GPI: variants seen among roughly 807,000 people sequenced by gnomAD.
GPI encodes glucose-6-phosphate isomerase.
In GPI, 56 loss-of-function variants were observed where a neutral mutation model predicts 75.8. That is an observed-to-expected ratio of 0.74 (90% CI 0.60 to 0.92). The LOEUF is 0.92. GPI is among the 40% of genes least tolerant of loss of function. The pLI is 0.00. For synonymous variants in GPI, 288 were observed against 285.4 expected, an observed-to-expected ratio of 1.01 and a Z score of -0.09; for missense variants, 638 against 741.0, an observed-to-expected ratio of 0.86 and a Z score of 1.61.
In GPI at chr19:34,393,376, G is replaced by T; in HGVS notation, c.865+68G>T. On this transcript the variant is annotated intron_variant, in intron 10 of 17. Transcript: ENST00000356487. The surrounding 1 kb of genome is among the most constrained non-coding windows in gnomAD (Gnocchi z 4.4). ...GTTGCAGTCTAAGGTCGGGGTAGGG[G>T]GCTTGTGTCCCTGAACATCATGCTG... 2.5e-6 allele frequency: 3 copies of T among 1,221,886 alleles called. No homozygotes were observed. The highest frequency in any genetic ancestry group is 3.7e-6 in the Non-Finnish European group (3 of 821,742). 75.7% of individuals were successfully genotyped at this position (1,221,886 alleles called of 1,614,324 possible). A position where few individuals can be genotyped will look rare whatever the true frequency, so the allele number is the denominator to read the frequency against.
chr19:34,399,279 G>C lies in GPI; in HGVS notation c.1342G>C (p.Glu448Gln). The change falls in exon 15 of 18, where the codon GAG becomes CAG. Residue 448 changes from glutamate (E) to glutamine (Q), a missense_variant. Glu to Gln is a conservative substitution (Grantham distance 29, BLOSUM62 2). Coordinates refer to ENST00000356487, the MANE Select transcript of GPI (RefSeq NM_000175.5). Reference protein sequence around the residue: ...RGKSTEEARKELQAAGKSPED... With the variant: ...RGKSTEEARKQLQAAGKSPED... Reference sequence around the variant, plus strand: ...AAAATCGACGGAGGAGGCCCGAAAGGAGCTCCAGGCTGCGGGCAAGAGTCC... The same window carrying C: ...AAAATCGACGGAGGAGGCCCGAAAGCAGCTCCAGGCTGCGGGCAAGAGTCC... 6.2e-7 allele frequency: 1 copy of C among 1,614,036 alleles called. No homozygotes were observed. Among genetic ancestry groups the C allele is most frequent in the Non-Finnish European group, 8.5e-7 (1 of 1,179,974 alleles).
In GPI at chr19:34,365,276, C is replaced by G. The variant is rs763650536; in HGVS notation, c.10C>G (p.Leu4Val). ...ACCTTCTAGTCCCGCCATGGCCGCT[C>G]TCACCCGGGACCCCCAGTTCCAGAA... MAA[L>V]TRDPQFQKLQ... is the part of the protein sequence containing the mutation. Residue 4 changes from leucine to valine, a missense_variant, in exon 1 of 18, where the codon CTC becomes GTC. Coordinates refer to ENST00000356487, the MANE Select transcript of GPI (RefSeq NM_000175.5). The G allele has an allele frequency of 1.9e-6, 3 of 1,575,806 alleles. No homozygotes were observed. Among genetic ancestry groups the G allele is most frequent in the Non-Finnish European group, 2.6e-6 (3 of 1,163,864 alleles).
In GPI at chr19:34,379,030, C is replaced by G. The variant is rs376328220; in HGVS notation, c.705+25C>G. 9 of 1,596,130 alleles carry G rather than the reference C, an allele frequency of 5.6e-6. No homozygotes were observed. In the African/African-American group the frequency reaches 1.2e-4, roughly 21 times the overall value. ...TGTGAGTGGGCTATAGGGCCTTCCT[C>G]GTGGTTAGCCTCTGGGCTGGGAAGA... On this transcript the variant is annotated intron_variant, in intron 7 of 17. Coordinates refer to ENST00000356487, the MANE Select transcript of GPI (RefSeq NM_000175.5).
intron 1 of GPI, chr19:34,365,712 A>G (rs2145314510): frequency 1.9e-6 from 1 of 531,192 alleles, no homozygotes; most frequent in Admixed American, 2.2e-5. Context: ...GCAGTTGTGA[A>G]GAGAGGCCTT....
At chr19:34,372,993 C>T (rs147827926) in intron 4 of GPI, among the ~76,000 whole-genome samples, 1,544 of 151,974 alleles carry the variant, frequency 0.01, 25 homozygotes, top group African/African-American at 0.036. Flanking sequence ...AGGCTGGTCT[C>T]GAACTCCTGA....
At chr19:34,381,116 T>A (rs1486918010) in intron 8 of GPI, 1 of 397,378 alleles carries the variant, frequency 2.5e-6, no homozygotes, top group African/African-American at 2.1e-5. Context: ...TTCCCAGATG[T>A]CCAGGGGTAT....
In GPI at chr19:34,400,675, A is replaced by C; in HGVS notation, c.*639A>C. 2.5e-6 allele frequency: 1 copy of C among 403,766 alleles called. No individual in the cohort carries two copies. Among genetic ancestry groups the C allele is most frequent in the Non-Finnish European group, 4.4e-6 (1 of 229,060 alleles). The allele number at this position is 403,766 out of a possible 1,614,324, so 25.0% of individuals were successfully genotyped here. A position where few individuals can be genotyped will look rare whatever the true frequency, so the allele number is the denominator to read the frequency against. ...CTGGACAAGACCGAGGATGACTGCC[A>C]TCTCCTGGCAAGACGCTCAGGTAGT... is the stretch of plus-strand genomic sequence containing the variant. On this transcript the variant is annotated 3_prime_UTR_variant, in exon 18 of 18. Transcript: ENST00000356487.
intron 6 of GPI, among the ~76,000 whole-genome samples, chr19:34,378,402 A>T (rs923329788): frequency 6.6e-6 from 1 of 151,812 alleles, no homozygotes; most frequent in African/African-American, 2.4e-5. Flanking sequence ...TTTAGTAGAG[A>T]TGGGCTTTTG....
At chr19:34,378,877 C>G in intron 6 of GPI, 57 bp from the exon 7 acceptor site, 1 of 1,347,086 alleles carries the variant, frequency 7.4e-7, no homozygotes, top group Middle Eastern at 1.8e-4. Flanking sequence ...AACCCTGGCT[C>G]AAGGCCTGCA....
chr19:34,394,141 C>T, intron 12 of GPI, 75 bp downstream of exon 12: 1 of 1,120,280 alleles, frequency 8.9e-7, no homozygotes, highest in Non-Finnish European at 1.3e-6. Context: ...ACCTGGGTTT[C>T]AGCTCCTCCA....
In GPI at chr19:34,400,177, A is replaced by G; in HGVS notation, c.*141A>G. ...TTGGACCACGAGCCCTTAGCAGGGAAGGCTGGTCTCCCCCAGCCTAACCCC... is the reference window on the plus strand; with the variant it reads ...TTGGACCACGAGCCCTTAGCAGGGAGGGCTGGTCTCCCCCAGCCTAACCCC... On this transcript the variant is annotated 3_prime_UTR_variant, in exon 18 of 18. Transcript: ENST00000356487. 3.5e-6 allele frequency: 3 copies of G among 860,258 alleles called. No homozygotes were observed. The highest frequency in any genetic ancestry group is 3.9e-6 in the Non-Finnish European group (2 of 517,906). 53.3% of individuals were successfully genotyped at this position (860,258 alleles called of 1,614,324 possible). A position where few individuals can be genotyped will look rare whatever the true frequency, so the allele number is the denominator to read the frequency against.
intron 2 of GPI, 127 bp from the exon 3 acceptor site, chr19:34,366,656 G>A: frequency 1.3e-6 from 1 of 789,020 alleles, no homozygotes; most frequent in Admixed American, 1.8e-5. Flanking sequence ...CCAGACAGCA[G>A]GGGAGGGAAC....
intron 3 of GPI, among the ~76,000 whole-genome samples, chr19:34,367,782 G>A (rs1196053206): frequency 6.6e-6 from 1 of 152,190 alleles, no homozygotes; most frequent in Non-Finnish European, 1.5e-5. Flanking sequence ...GCTTGGTGAG[G>A]GAAGCTTGAG....
At chr19:34,367,018 G>T (rs1568325271) in intron 3 of GPI, 167 bp downstream of exon 3, 1 of 706,102 alleles carries the variant, frequency 1.4e-6, no homozygotes, top group Non-Finnish European at 2.6e-6. Context: ...GCTTTGGGGT[G>T]TGCCTTCCAC....
Position 34,377,529 on chromosome 19 carries a change from G to A in GPI, c.429G>A (p.Gly143=), listed in dbSNP as rs1215998948. 1 of 1,612,868 alleles carries A rather than the reference G, an allele frequency of 6.2e-7. No homozygotes were observed. Among genetic ancestry groups the A allele is most frequent in the Non-Finnish European group, 8.5e-7 (1 of 1,179,550 alleles). ...CQRVRSGDWK[G]YTGKTITDVI... is the part of the protein sequence containing the mutation. ...GTGTCCGGAGCGGTGACTGGAAGGG[G>A]TACACAGGCAAGACCATCACGGACG... The change falls in exon 5 of 18, where the codon GGG becomes GGA. Residue 143 remains glycine, a synonymous_variant. Coordinates refer to ENST00000356487, the MANE Select transcript of GPI (RefSeq NM_000175.5).
intron 4 of GPI, among the ~76,000 whole-genome samples, chr19:34,372,716 G>A (rs979938244): frequency 5.3e-5 from 8 of 152,116 alleles, no homozygotes; most frequent in Admixed American, 1.3e-4. Flanking sequence ...AGGGTGAATC[G>A]GATCACTGCA....
At chr19:34,379,046 G>T (rs1176268669) in intron 7 of GPI, 41 bp downstream of exon 7, 1 of 1,549,234 alleles carries the variant, frequency 6.5e-7, no homozygotes, top group Admixed American at 1.7e-5. Flanking sequence ...TAGCCTCTGG[G>T]CTGGGAAGAG....
chr19:34,386,851 GT>G (rs2074742588), intron 9 of GPI, among the ~76,000 whole-genome samples: 2 of 152,026 alleles, frequency 1.3e-5, no homozygotes, highest in African/African-American at 4.8e-5. Context: ...CAGTGGGTTA[GT>G]CACAAGTTGG....
intron 9 of GPI, among the ~76,000 whole-genome samples, chr19:34,390,232 G>A (rs2074801003): frequency 6.9e-6 from 1 of 144,228 alleles, no homozygotes; most frequent in Non-Finnish European, 1.5e-5. Context: ...GTGGGGCCTG[G>A]CACAAGTATG....
Sources: gnomAD v4.1 joint callset for allele counts (sites outside exome capture counted in the v4.1 genomes callset) on GRCh38, gnomAD v4.1.1 for gene constraint, Gnocchi (gnomAD v3.1) non-coding constraint, MANE v1.5 for transcripts, NCBI Gene and HGNC (gene_info 2026-07-23, HGNC 2026-07-21) for gene names.